NTNG1: variants seen among roughly 807,000 people sequenced by gnomAD.
The protein encoded by NTNG1 is netrin G1, also known as netrin-G1.
Under a neutral mutation model 54.0 loss-of-function variants are expected in NTNG1, and 16 were observed. The ratio of observed to expected loss-of-function variants is 0.30; its 90% CI spans 0.20 to 0.45. NTNG1 has a LOEUF of 0.45. NTNG1 is among the 20% of genes least tolerant of loss of function. The pLI is 1.00. For synonymous variants in NTNG1, 255 were observed against 263.1 expected, an observed-to-expected ratio of 0.97 and a Z score of 0.30; for missense variants, 530 against 678.7, an observed-to-expected ratio of 0.78 and a Z score of 2.43.
At chr1:107,157,781 AC>A (rs1655110489) in intron 2 of NTNG1, among the ~76,000 whole-genome samples, 1 of 152,110 alleles carries the variant, frequency 6.6e-6, no homozygotes, top group South Asian at 2.1e-4. Flanking sequence ...TTGGATTCTA[AC>A]TTTTTACTAA....
chr1:107,285,515 A>G (rs1665137189), intron 2 of NTNG1, among the ~76,000 whole-genome samples: 1 of 152,144 alleles, frequency 6.6e-6, no homozygotes, highest in Non-Finnish European at 1.5e-5. Context: ...CAAATACAAC[A>G]GAAGTGAGTG....
intron 3 of NTNG1, among the ~76,000 whole-genome samples, chr1:107,341,723 G>A (rs1192544339): frequency 1.3e-5 from 2 of 152,112 alleles, no homozygotes; most frequent in Non-Finnish European, 2.9e-5. Context: ...CACAAAAAAG[G>A]AGAATATGTT....
chr1:107,174,698 A>C (rs1477521997), intron 2 of NTNG1, among the ~76,000 whole-genome samples: 1 of 152,122 alleles, frequency 6.6e-6, no homozygotes, highest in Non-Finnish European at 1.5e-5. Flanking sequence ...TGTTTTTAAG[A>C]AATGCCAATA....
At chr1:107,376,185 C>T (rs1671219963) in intron 3 of NTNG1, among the ~76,000 whole-genome samples, 1 of 152,098 alleles carries the variant, frequency 6.6e-6, no homozygotes, top group African/African-American at 2.4e-5. Flanking sequence ...CTTTGGGAGG[C>T]AGAGGTGGGC....
At chr1:107,326,128 A>G (rs976603998) in intron 3 of NTNG1, among the ~76,000 whole-genome samples, 17 of 152,124 alleles carry the variant, frequency 1.1e-4, no homozygotes, top group Non-Finnish European at 2.2e-4. Flanking sequence ...GGGCTTGATC[A>G]TAGTGTGGTG....
intron 5 of NTNG1, among the ~76,000 whole-genome samples, chr1:107,426,385 A>G (rs1674911544): frequency 6.6e-6 from 1 of 151,980 alleles, no homozygotes; most frequent in Non-Finnish European, 1.5e-5. Context: ...TTTTCTGCAT[A>G]TTGCGAGCCA....
At chr1:107,196,933 C>G (rs549747940) in intron 2 of NTNG1, among the ~76,000 whole-genome samples, 1 of 151,802 alleles carries the variant, frequency 6.6e-6, no homozygotes, top group East Asian at 1.9e-4. Flanking sequence ...CCTTGTCATT[C>G]TCGGGCGGGT....
intron 2 of NTNG1, among the ~76,000 whole-genome samples, chr1:107,232,562 AT>A (rs567871745): frequency 2.9e-4 from 44 of 152,248 alleles, no homozygotes; most frequent in Non-Finnish European, 5.1e-4. Flanking sequence ...GGTCTCATAA[AT>A]TTTGTTGCTG....
At chr1:107,293,763 A>G (rs1280201977) in intron 2 of NTNG1, among the ~76,000 whole-genome samples, 3 of 152,190 alleles carry the variant, frequency 2.0e-5, no homozygotes, top group African/African-American at 2.4e-5. Context: ...AGCACTCAAT[A>G]AAAATTAACT....
intron 2 of NTNG1, among the ~76,000 whole-genome samples, chr1:107,320,865 T>C (rs1189936143): frequency 6.6e-6 from 1 of 152,092 alleles, no homozygotes; most frequent in Non-Finnish European, 1.5e-5. Context: ...CCCTCTTTGG[T>C]ATCTACAGTC....
chr1:107,460,528 C>G (rs185277053), intron 7 of NTNG1: 16 of 447,520 alleles, frequency 3.6e-5, no homozygotes, highest in South Asian at 2.0e-4. Context: ...TGACTTCTTA[C>G]GAATATTTAT....
At chr1:107,185,979 T>C (rs1358972841) in intron 2 of NTNG1, among the ~76,000 whole-genome samples, 1 of 152,260 alleles carries the variant, frequency 6.6e-6, no homozygotes, top group Non-Finnish European at 1.5e-5. Context: ...ACCCAAATAT[T>C]GTACATTGTA....
intron 3 of NTNG1, among the ~76,000 whole-genome samples, chr1:107,370,240 T>TA (rs35235511): frequency 0.029 from 3,670 of 125,598 alleles, 145 homozygotes; most frequent in African/African-American, 0.09. Flanking sequence ...GTCAATTTCT[T>TA]AAAAAAAAAA....
intron 3 of NTNG1, among the ~76,000 whole-genome samples, chr1:107,344,975 G>A (rs1251540998): frequency 6.6e-6 from 1 of 152,106 alleles, no homozygotes; most frequent in African/African-American, 2.4e-5. Context: ...AAACTATGTA[G>A]TTTATTTTTA....
At chr1:107,189,359 A>T (rs902948954) in intron 2 of NTNG1, among the ~76,000 whole-genome samples, 2 of 151,526 alleles carry the variant, frequency 1.3e-5, no homozygotes, top group African/African-American at 4.9e-5. Flanking sequence ...TCAAAAAAAA[A>T]AAAAAAAGTT....
chr1:107,342,345 G>A (rs1035664757), intron 3 of NTNG1, among the ~76,000 whole-genome samples: 1 of 152,030 alleles, frequency 6.6e-6, no homozygotes, highest in Non-Finnish European at 1.5e-5. Flanking sequence ...ATAATCATAA[G>A]AGGAATGCCA....
chr1:107,151,383 CATA>C (rs1399106782), intron 2 of NTNG1, among the ~76,000 whole-genome samples: 1 of 152,148 alleles, frequency 6.6e-6, no homozygotes, highest in Non-Finnish European at 1.5e-5. Flanking sequence ...AATGGGGATT[CATA>C]AAGTCATTTG....
At chr1:107,317,343 C>T (rs1159748264) in intron 2 of NTNG1, among the ~76,000 whole-genome samples, 2 of 152,100 alleles carry the variant, frequency 1.3e-5, no homozygotes, top group African/African-American at 4.8e-5. Context: ...AGGTGAAATA[C>T]TCTATGAAAC....
chr1:107,156,516 GC>G (rs1655010574), intron 2 of NTNG1, among the ~76,000 whole-genome samples: 1 of 152,052 alleles, frequency 6.6e-6, no homozygotes, highest in African/African-American at 2.4e-5. Context: ...ATATTGTATA[GC>G]CACATAATAG....
Sources: gnomAD v4.1 joint callset for allele counts (sites outside exome capture counted in the v4.1 genomes callset) on GRCh38, gnomAD v4.1.1 for gene constraint, MANE v1.5 for transcripts, NCBI Gene and HGNC (gene_info 2026-07-23, HGNC 2026-07-21) for gene names.